The following DIXDC1 variants were observed in gnomAD, a reference collection of about 807,000 sequenced individuals.
DIXDC1 encodes the protein DIX domain containing 1.
In DIXDC1, 64 loss-of-function variants were observed where a neutral mutation model predicts 103.1. That is an observed-to-expected ratio of 0.62 (90% CI 0.51 to 0.76). DIXDC1 has a LOEUF of 0.76. DIXDC1 is among the 30% of genes least tolerant of loss of function. DIXDC1 has a pLI of 0.00. For synonymous variants in DIXDC1, 266 were observed against 298.5 expected, an observed-to-expected ratio of 0.89 and a Z score of 1.12; for missense variants, 759 against 834.2, an observed-to-expected ratio of 0.91 and a Z score of 1.11.
In DIXDC1 at chr11:111,964,589, TGAA is replaced by T; in HGVS notation, c.107_109del (p.Lys36del). The stretch of plus-strand genomic sequence containing the variant: ...TATGTGGCCTGGGTGAATGCACAGC[TGAA>T]GAAGAGGCCAGCAGTGAAGCCTGTG... On this transcript the variant is annotated inframe_deletion, in exon 2 of 20. Coordinates refer to ENST00000440460, the MANE Select transcript of DIXDC1 (RefSeq NM_001037954.4). The T allele has an allele frequency of 6.2e-7, 1 of 1,610,282 alleles. No individual in the cohort carries two copies. The highest frequency in any genetic ancestry group is 8.5e-7 in the Non-Finnish European group (1 of 1,178,204).
In DIXDC1 at chr11:111,977,332, G is replaced by A; in HGVS notation, c.656+2349G>A. 2 of 1,058,516 alleles carry A rather than the reference G, an allele frequency of 1.9e-6. No individual in the cohort carries two copies. The highest frequency in any genetic ancestry group is 2.3e-6 in the Non-Finnish European group (2 of 876,142). 65.6% of individuals were successfully genotyped at this position (1,058,516 alleles called of 1,614,324 possible). On this transcript the variant is annotated intron_variant, in intron 5 of 19. Transcript: ENST00000440460. The surrounding 1 kb of genome is among the most constrained non-coding windows in gnomAD (Gnocchi z 6.1). ...GGATCCGGAAGGTGGCACGGAGTGG[G>A]ATCGCCGCTGGGGACTCGAGGCGCA...
upstream of DIXDC1, among the ~76,000 whole-genome samples, chr11:111,934,062 A>G (rs1555167940): frequency 6.6e-6 from 1 of 152,218 alleles, no homozygotes; most frequent in East Asian, 1.9e-4. Flanking sequence ...ATGTAATGTA[A>G]TGTTGCATTC....
intron 8 of DIXDC1, 34 bp downstream of exon 8, chr11:111,985,355 CTGTA>C: frequency 6.5e-7 from 1 of 1,538,144 alleles, no homozygotes; most frequent in Non-Finnish European, 8.9e-7. Flanking sequence ...GACACTAAAT[CTGTA>C]TGTATTTTAC....
intron 1 of DIXDC1, among the ~76,000 whole-genome samples, chr11:111,938,155 G>A (rs1426423974): frequency 6.6e-6 from 1 of 152,220 alleles, no homozygotes; most frequent in Non-Finnish European, 1.5e-5. Context: ...GCCAGCGCGT[G>A]CACCGGTCCA....
chr11:111,986,356 C>T (rs1555173838), intron 8 of DIXDC1, among the ~76,000 whole-genome samples: 1 of 141,316 alleles, frequency 7.1e-6, no homozygotes, highest in African/African-American at 2.6e-5. Flanking sequence ...ACCCCCACCC[C>T]ATACTTATTC....
rs587701178 is a variant in DIXDC1 at position 111,958,446 on chromosome 11, G to A, written c.61-6103G>A. 4.6e-5 allele frequency among the ~76,000 whole-genome samples: 7 copies of A among 152,340 alleles called. No homozygotes were observed. The highest frequency in any genetic ancestry group is 1.4e-4 in the African/African-American group (6 of 41,580). On this transcript the variant is annotated intron_variant, in intron 1 of 19. Coordinates refer to ENST00000440460, the MANE Select transcript of DIXDC1 (RefSeq NM_001037954.4). The surrounding 1 kb of genome is among the most constrained non-coding windows in gnomAD (Gnocchi z 4.2). Reference sequence around the variant, plus strand: ...TTGGAGCAAAGTTGAGGCCAAGCCCGGGCACTGCCACAACCTGGCTGGGTG... The same window carrying A: ...TTGGAGCAAAGTTGAGGCCAAGCCCAGGCACTGCCACAACCTGGCTGGGTG...
At chr11:111,988,741 A>G (rs1860587227) in intron 9 of DIXDC1, among the ~76,000 whole-genome samples, 1 of 152,186 alleles carries the variant, frequency 6.6e-6, no homozygotes. Flanking sequence ...TATGGGAATT[A>G]TGGGGTATCT....
Position 111,977,498 on chromosome 11 carries a change from G to C in DIXDC1, c.656+2515G>C, listed in dbSNP as rs1860149169. 3 of 1,334,768 alleles carry C rather than the reference G, an allele frequency of 2.2e-6. No homozygotes were observed. The highest frequency in any genetic ancestry group is 1.6e-5 in the African/African-American group (1 of 64,194). 82.7% of individuals were successfully genotyped at this position (1,334,768 alleles called of 1,614,324 possible). A position where few individuals can be genotyped will look rare whatever the true frequency, so the allele number is the denominator to read the frequency against. On this transcript the variant is annotated intron_variant, in intron 5 of 19. Coordinates refer to ENST00000440460, the MANE Select transcript of DIXDC1 (RefSeq NM_001037954.4). The surrounding 1 kb of genome is among the most constrained non-coding windows in gnomAD (Gnocchi z 6.1). Reference sequence around the variant, plus strand: ...CAGCCTGCGAGGGGAGGCAGCTTCCGCCGGGGCCGGGCTGCTGCACAGTCT... The same window carrying C: ...CAGCCTGCGAGGGGAGGCAGCTTCCCCCGGGGCCGGGCTGCTGCACAGTCT...
chr11:111,945,310 C>A (rs1200606518), intron 1 of DIXDC1, among the ~76,000 whole-genome samples: 1 of 152,232 alleles, frequency 6.6e-6, no homozygotes, highest in Non-Finnish European at 1.5e-5. Flanking sequence ...AGGAGGAAGA[C>A]TGATTCTATT....
intron 1 of DIXDC1, among the ~76,000 whole-genome samples, chr11:111,950,600 C>T (rs1441718707): frequency 2.0e-5 from 3 of 150,822 alleles, no homozygotes; most frequent in Admixed American, 1.3e-4. Flanking sequence ...GGATTACAGG[C>T]GTGTGCCACC....
chr11:111,995,466 G>A lies in DIXDC1; in HGVS notation c.1591G>A (p.Asp531Asn), dbSNP rs782574818. The A allele has an allele frequency of 6.8e-6, 11 of 1,613,896 alleles. No individual in the cohort carries two copies. The highest frequency in any genetic ancestry group is 8.5e-6 in the Non-Finnish European group (10 of 1,179,900). ...CCTGCGCAACAGCTTCAGTGGCCAC[G>A]ATCCTCAGCACCACACTATTGACAG... ...RSLRNSFSGHDPQHHTIDSLE... is the reference protein window; with the variant it reads ...RSLRNSFSGHNPQHHTIDSLE... Residue 531 changes from aspartate (D) to asparagine (N), a missense_variant, in exon 16 of 20, where the codon GAT (aspartate) becomes AAT (asparagine). Asp to Asn is a conservative substitution (Grantham distance 23, BLOSUM62 1). This residue lies in a region of DIXDC1 where 657 missense variants were observed against 727.5 expected (regional missense o/e 0.90). Coordinates refer to ENST00000440460, the MANE Select transcript of DIXDC1 (RefSeq NM_001037954.4).
rs587647311 is a variant in DIXDC1, at chr11:111,974,351, G to T, written c.548+97G>T. The T allele has an allele frequency of 2.5e-6, 3 of 1,190,262 alleles. No individual in the cohort carries two copies. The South Asian group carries it at 4.7e-5, about 19-fold the overall frequency. 73.7% of individuals were successfully genotyped at this position (1,190,262 alleles called of 1,614,324 possible). A position where few individuals can be genotyped will look rare whatever the true frequency, so the allele number is the denominator to read the frequency against. ...AGTAGATAGAAACGTCACCCAAACA[G>T]CCCCAGATTGCAGAAAAGAACATGG... is the stretch of plus-strand genomic sequence containing the variant. On this transcript the variant is annotated intron_variant, in intron 4 of 19. Coordinates refer to ENST00000440460, the MANE Select transcript of DIXDC1 (RefSeq NM_001037954.4).
intron 17 of DIXDC1, among the ~76,000 whole-genome samples, chr11:112,016,356 A>G (rs1861589646): frequency 6.6e-6 from 1 of 152,126 alleles, no homozygotes; most frequent in Non-Finnish European, 1.5e-5. Flanking sequence ...GGCAGAGTCT[A>G]CAGCTTCTGC....
intron 17 of DIXDC1, among the ~76,000 whole-genome samples, chr11:112,001,931 A>AT (rs1861080296): frequency 6.6e-6 from 1 of 151,820 alleles, no homozygotes; most frequent in Admixed American, 6.6e-5. Context: ...TAATTTTTGT[A>AT]TTTTTGGTAG....
intron 1 of DIXDC1, among the ~76,000 whole-genome samples, chr11:111,946,139 T>TG (rs1316401191): frequency 1.3e-5 from 2 of 149,548 alleles, no homozygotes; most frequent in African/African-American, 4.9e-5. Context: ...GATGGAGTCT[T>TG]GCTCTTTCGC....
In DIXDC1 at chr11:111,976,630, G is replaced by T. The variant is rs1431957299; in HGVS notation, c.656+1647G>T. 6.6e-6 allele frequency among the ~76,000 whole-genome samples: 1 copy of T among 152,086 alleles called. No homozygotes were observed. Among genetic ancestry groups the T allele is most frequent in the East Asian group, 1.9e-4 (1 of 5,164 alleles). ...CCCTCGCCCCCAGGGAGCCCACTTA[G>T]TGGCTCTGTGACCCATGAAGAGCCC... On this transcript the variant is annotated intron_variant, in intron 5 of 19. Transcript: ENST00000440460. This position sits in a 1 kb window ranked among gnomAD's most constrained non-coding sequence, Gnocchi z 4.3.
intron 1 of DIXDC1, among the ~76,000 whole-genome samples, chr11:111,960,320 G>A (rs1859528560): frequency 6.6e-6 from 1 of 151,770 alleles, no homozygotes; most frequent in Admixed American, 6.6e-5. Context: ...TTTTGGCCGG[G>A]CGCAGTGGCT....
chr11:111,987,501 T>C (rs1408232815), intron 9 of DIXDC1, among the ~76,000 whole-genome samples: 6 of 152,164 alleles, frequency 3.9e-5, no homozygotes, highest in African/African-American at 1.4e-4. Flanking sequence ...AGAAAAAATG[T>C]ATCTAATACC....
At position 111,977,281 on chromosome 11, in the gene DIXDC1, G is replaced by C; in HGVS notation, c.656+2298G>C. 9.8e-7 allele frequency: 1 copy of C among 1,023,258 alleles called. No individual in the cohort carries two copies. Among genetic ancestry groups the C allele is most frequent in the Non-Finnish European group, 1.2e-6 (1 of 854,328 alleles). 63.4% of individuals were successfully genotyped at this position (1,023,258 alleles called of 1,614,324 possible). The stretch of plus-strand genomic sequence containing the variant: ...GCCTCGCCGCGTGTGACAGCCCAGG[G>C]AGGGAGCAGAGGGTGGGGCGGGGAG... On this transcript the variant is annotated intron_variant, in intron 5 of 19. Coordinates refer to ENST00000440460, the MANE Select transcript of DIXDC1 (RefSeq NM_001037954.4). The surrounding 1 kb of genome is among the most constrained non-coding windows in gnomAD (Gnocchi z 6.1).
Sources: allele counts gnomAD v4.1 joint callset (sites outside exome capture counted in the v4.1 genomes callset), GRCh38; gene constraint gnomAD v4.1.1; regional missense constraint gnomAD v4.1.1; non-coding constraint Gnocchi (gnomAD v3.1); transcripts MANE v1.5; gene names NCBI Gene and HGNC (gene_info 2026-07-23, HGNC 2026-07-21).